Variants in MRPS9 observed in about 807,000 individuals in gnomAD.
MRPS9 encodes the protein small ribosomal subunit protein uS9m.
MRPS9 carries 45 observed loss-of-function variants against 59.9 expected under a neutral mutation model. That is an observed-to-expected ratio of 0.75 (90% CI 0.59 to 0.96). The LOEUF (loss-of-function observed/expected upper bound fraction) is 0.96. MRPS9 is among the 40% of genes least tolerant of loss of function. MRPS9 has a pLI of 0.00. For missense variants in MRPS9, 473 were observed against 481.1 expected, an observed-to-expected ratio of 0.98 and a Z score of 0.16; for synonymous variants, 171 against 166.8, an observed-to-expected ratio of 1.03 and a Z score of -0.19.
rs201404629 is a variant in MRPS9 at position 105,092,493 on chromosome 2, A to G, written c.744A>G (p.Val248=). 1.2e-6 allele frequency: 2 copies of G among 1,614,018 alleles called. No homozygotes were observed. Among genetic ancestry groups the G allele is most frequent in the Non-Finnish European group, 1.7e-6 (2 of 1,179,944 alleles). ...TTGTGCAGAGGTTTCGAAGAAGTGT[A>G]ACTCTTGAATCAAAAAAACAGCTGA... The part of the protein sequence containing the change: ...EEFVQRFRRS[V]TLESKKQLIE... The change falls in exon 8 of 11, where the codon GTA becomes GTG. Residue 248 remains valine, a synonymous_variant. Coordinates refer to ENST00000258455, the MANE Select transcript of MRPS9 (RefSeq NM_182640.3).
intron 1 of MRPS9, among the ~76,000 whole-genome samples, chr2:105,038,775 G>A (rs113538375): frequency 6.6e-6 from 1 of 152,174 alleles, no homozygotes; most frequent in African/African-American, 2.4e-5. Context: ...AGGGAGAAGT[G>A]GGGAGTCAAC....
chr2:105,083,763 G>T (rs1196081416), intron 5 of MRPS9, among the ~76,000 whole-genome samples: 1 of 152,096 alleles, frequency 6.6e-6, no homozygotes, highest in Non-Finnish European at 1.5e-5. Flanking sequence ...ACTCTAATAA[G>T]GAGACACTTA....
chr2:105,061,518 G>A (rs1450426359), intron 2 of MRPS9, among the ~76,000 whole-genome samples: 1 of 152,194 alleles, frequency 6.6e-6, no homozygotes, highest in African/African-American at 2.4e-5. Flanking sequence ...GATTATGCCT[G>A]GCGCTGAAAT....
intron 2 of MRPS9, among the ~76,000 whole-genome samples, chr2:105,053,692 C>T (rs1018591185): frequency 3.9e-5 from 6 of 152,050 alleles, no homozygotes; most frequent in Non-Finnish European, 8.8e-5. Context: ...TTCTGGTTCT[C>T]AAAATATAGA....
At chr2:105,090,473 A>C (rs989794904) in intron 7 of MRPS9, among the ~76,000 whole-genome samples, 1 of 150,238 alleles carries the variant, frequency 6.7e-6, no homozygotes, top group African/African-American at 2.4e-5. Flanking sequence ...TCTGCAAACC[A>C]CCTCTGTCGG....
At chr2:105,041,014 T>C (rs1679492390) in intron 1 of MRPS9, among the ~76,000 whole-genome samples, 1 of 152,176 alleles carries the variant, frequency 6.6e-6, no homozygotes, top group African/African-American at 2.4e-5. Context: ...CAACAATTGG[T>C]TATAGCATAG....
At chr2:105,062,948 A>G (rs1174217795) in intron 2 of MRPS9, among the ~76,000 whole-genome samples, 1 of 152,252 alleles carries the variant, frequency 6.6e-6, no homozygotes, top group African/African-American at 2.4e-5. Context: ...AAGAAAGATA[A>G]TACTTGGAAG....
At chr2:105,040,838 C>T (rs1679488573) in intron 1 of MRPS9, among the ~76,000 whole-genome samples, 2 of 152,014 alleles carry the variant, frequency 1.3e-5, no homozygotes, top group South Asian at 2.1e-4. Context: ...GAGTTGTTGA[C>T]CAGGTAGAGG....
chr2:105,038,719 C>T (rs1402767128), intron 1 of MRPS9, among the ~76,000 whole-genome samples: 1 of 152,196 alleles, frequency 6.6e-6, no homozygotes, highest in Non-Finnish European at 1.5e-5. Flanking sequence ...CCGAATCCCC[C>T]TCTATGGAAA....
intron 5 of MRPS9, among the ~76,000 whole-genome samples, chr2:105,085,216 T>TA (rs1201080229): frequency 6.6e-6 from 1 of 152,214 alleles, no homozygotes; most frequent in African/African-American, 2.4e-5. Context: ...GAACTTGAGA[T>TA]ACATAGCGTA....
At chr2:105,075,296 A>T (rs1186107407) in intron 4 of MRPS9, among the ~76,000 whole-genome samples, 1 of 152,162 alleles carries the variant, frequency 6.6e-6, no homozygotes, top group African/African-American at 2.4e-5. Context: ...AAGTGCTCTT[A>T]CTGCGAAACA....
intron 1 of MRPS9, among the ~76,000 whole-genome samples, chr2:105,046,682 T>C (rs1190746230): frequency 6.6e-6 from 1 of 152,068 alleles, no homozygotes; most frequent in African/African-American, 2.4e-5. Flanking sequence ...TCCTGAGGGC[T>C]GTGGTTGGTG....
At chr2:105,065,526 CACA>C (rs746407517) in intron 2 of MRPS9, among the ~76,000 whole-genome samples, 2 of 152,188 alleles carry the variant, frequency 1.3e-5, no homozygotes, top group East Asian at 1.9e-4. Context: ...TTTAAATTCT[CACA>C]ACAACTAGAT....
chr2:105,097,416 A>G, intron 10 of MRPS9, 92 bp downstream of exon 10: 1 of 1,155,718 alleles, frequency 8.7e-7, no homozygotes, highest in East Asian at 3.0e-5. Context: ...TCGTAAGAAA[A>G]TATATAGTTA....
intron 2 of MRPS9, among the ~76,000 whole-genome samples, chr2:105,058,974 G>A (rs551005812): frequency 1.5e-3 from 222 of 151,910 alleles, no homozygotes; most frequent in Middle Eastern, 3.4e-3. Context: ...CACTGCGCCC[G>A]GCAGTTTAAT....
chr2:105,074,249 G>C (rs1680167412), intron 4 of MRPS9, among the ~76,000 whole-genome samples: 1 of 151,922 alleles, frequency 6.6e-6, no homozygotes, highest in Non-Finnish European at 1.5e-5. Context: ...GCCAGAAAAA[G>C]AAAAATAGAA....
chr2:105,071,453 T>C lies in MRPS9; in HGVS notation c.379-6T>C, dbSNP rs1315029648. 1 of 1,601,688 alleles carries C rather than the reference T, an allele frequency of 6.2e-7. No individual in the cohort carries two copies. Among genetic ancestry groups the C allele is most frequent in the South Asian group, 1.1e-5 (1 of 88,660 alleles). ...TTATCTAATACATTATTAATTTATT[T>C]TACAGCATCCTGAACAGATTTTTCC... is the stretch of plus-strand genomic sequence containing the variant. On this transcript the variant is annotated splice_polypyrimidine_tract_variant and splice_region_variant and intron_variant, in intron 3 of 10. Coordinates refer to ENST00000258455, the MANE Select transcript of MRPS9 (RefSeq NM_182640.3).
intron 5 of MRPS9, among the ~76,000 whole-genome samples, chr2:105,088,050 C>A (rs906403797): frequency 6.6e-6 from 1 of 150,444 alleles, no homozygotes; most frequent in Non-Finnish European, 1.5e-5. Flanking sequence ...TGACACATCT[C>A]TATCAGTAAC....
At position 105,097,143 on chromosome 2, in the gene MRPS9, G is replaced by T. The variant is rs200787863; in HGVS notation, c.930-12G>T. On this transcript the variant is annotated splice_polypyrimidine_tract_variant and intron_variant, in intron 9 of 10. Transcript: ENST00000258455. ...AGTAAACGTAACCACATTTACTTGT[G>T]CTGTGCTTTAGAGAACAGCTGATGT... is the stretch of plus-strand genomic sequence containing the variant. 51 of 1,510,240 alleles carry T rather than the reference G, an allele frequency of 3.4e-5. No individual in the cohort carries two copies. In the East Asian group the frequency reaches 9.3e-4, roughly 28 times the overall value. 93.6% of individuals were successfully genotyped at this position (1,510,240 alleles called of 1,614,324 possible). A position where few individuals can be genotyped will look rare whatever the true frequency, so the allele number is the denominator to read the frequency against.
Sources: gnomAD v4.1 joint callset for allele counts (sites outside exome capture counted in the v4.1 genomes callset) on GRCh38, gnomAD v4.1.1 for gene constraint, MANE v1.5 for transcripts, NCBI Gene and HGNC (gene_info 2026-07-23, HGNC 2026-07-21) for gene names.